Variants in FNIP1 observed in about 807,000 individuals in gnomAD.
FNIP1 encodes the protein folliculin-interacting protein 1.
FNIP1 carries 40 observed loss-of-function variants against 124.5 expected under a neutral mutation model. The ratio of observed to expected loss-of-function variants is 0.32; its 90% CI spans 0.25 to 0.42. FNIP1 has a LOEUF of 0.42. FNIP1 is among the 10% of genes least tolerant of loss of function. FNIP1 has a pLI of 1.00. For synonymous variants in FNIP1, 472 were observed against 470.6 expected (o/e 1.00, Z -0.04); for missense variants, 1,176 against 1,403.7 (o/e 0.84, Z 2.59).
At position 131,785,029 on chromosome 5, in the gene FNIP1, CATATATAT is replaced by C. The variant is rs1317739455; in HGVS notation, c.92+11793_92+11800del. Among the ~76,000 whole-genome samples the C allele has an allele frequency of 5.4e-3, 72 of 13,238 alleles. 2 individuals carry two copies. Among genetic ancestry groups the C allele is most frequent in the African/African-American group, 0.01 (64 of 6,218 alleles). The allele number at this position is 13,238 out of a possible 152,430, so 8.7% of individuals were successfully genotyped here. ...ATGACTATATATATGATATATATGA[CATATATAT>C]GATATATATGACTATATATATCATA... On this transcript the variant is annotated intron_variant, in intron 1 of 17. Coordinates refer to ENST00000510461, the MANE Select transcript of FNIP1 (RefSeq NM_133372.3).
intron 11 of FNIP1, among the ~76,000 whole-genome samples, chr5:131,693,770 A>G (rs251014): frequency 0.78 from 119,095 of 151,886 alleles, 46,927 homozygotes; most frequent in African/African-American, 0.83. Context: ...GAAAGACACT[A>G]TTATAAGAAG....
At chr5:131,660,275 G>A (rs926188344) in intron 15 of FNIP1, among the ~76,000 whole-genome samples, 1 of 152,164 alleles carries the variant, frequency 6.6e-6, no homozygotes, top group Admixed American at 6.5e-5. Context: ...GAAGCCATCA[G>A]GCTGAAAGTA....
chr5:131,779,617 G>T, intron 1 of FNIP1, among the ~76,000 whole-genome samples: 1 of 151,440 alleles, frequency 6.6e-6, no homozygotes, highest in Non-Finnish European at 1.5e-5. Context: ...GAACCTGGGA[G>T]GCAGAGCTTG....
rs115012479 is a variant in FNIP1 at position 131,656,440 on chromosome 5, G to A, written c.3109-4441C>T. ...CAGAATACCTTTTAAATCTCATAATGAAAATGCAGCTCTTATGTGGGTACA... is the reference window on the plus strand; with the variant it reads ...CAGAATACCTTTTAAATCTCATAATAAAAATGCAGCTCTTATGTGGGTACA... On this transcript the variant is annotated intron_variant, in intron 15 of 17. Transcript: ENST00000510461. Among the ~76,000 whole-genome samples the A allele has an allele frequency of 7.2e-3, 1,093 of 152,288 alleles. 7 individuals carry two copies. The highest frequency in any genetic ancestry group is 0.024 in the African/African-American group (1,012 of 41,564).
intron 2 of FNIP1, among the ~76,000 whole-genome samples, chr5:131,732,136 T>C (rs1300821726): frequency 1.3e-5 from 2 of 152,222 alleles, no homozygotes; most frequent in Non-Finnish European, 2.9e-5. Flanking sequence ...CACCAACATC[T>C]GTGATATTCC....
Position 131,702,222 on chromosome 5 carries a change from G to GCA in FNIP1, c.1116+1842_1116+1843insTG, listed in dbSNP as rs1459357626. ...ATTTGAGATAGGGACTCACTCTGTT[G>GCA]CTACAGTGCAGAGGCACAATCACAA... On this transcript the variant is annotated intron_variant, in intron 10 of 17. Coordinates refer to ENST00000510461, the MANE Select transcript of FNIP1 (RefSeq NM_133372.3). Among the ~76,000 whole-genome samples, 33 of 152,264 alleles carry GCA rather than the reference G, an allele frequency of 2.2e-4. No homozygotes were observed. The South Asian group carries it at 4.6e-3, about 21-fold the overall frequency.
chr5:131,726,641 G>T (rs1466204800), intron 3 of FNIP1, among the ~76,000 whole-genome samples: 1 of 152,042 alleles, frequency 6.6e-6, no homozygotes, highest in Non-Finnish European at 1.5e-5. Context: ...TTTTTGAAGG[G>T]TTTTTTGTGT....
chr5:131,777,615 CA>C (rs991235875), intron 1 of FNIP1, among the ~76,000 whole-genome samples: 2 of 152,158 alleles, frequency 1.3e-5, no homozygotes, highest in Non-Finnish European at 2.9e-5. Context: ...GTTCACTGGT[CA>C]CCTTTGAAAG....
intron 12 of FNIP1, 25 bp downstream of exon 12, chr5:131,679,004 C>A (rs1580748451): frequency 2.0e-6 from 3 of 1,505,036 alleles, no homozygotes; most frequent in East Asian, 4.6e-5. Flanking sequence ...ATCTAGATAT[C>A]TAGTTATAAT....
chr5:131,751,237 G>A (rs1257865474), intron 1 of FNIP1, among the ~76,000 whole-genome samples: 2 of 151,952 alleles, frequency 1.3e-5, no homozygotes, highest in Admixed American at 6.6e-5. Flanking sequence ...CACTCTCCTG[G>A]CAAACTCTTA....
At chr5:131,787,009 A>C (rs1772239501) in intron 1 of FNIP1, among the ~76,000 whole-genome samples, 1 of 152,114 alleles carries the variant, frequency 6.6e-6, no homozygotes, top group Non-Finnish European at 1.5e-5. Flanking sequence ...GGTATAATAA[A>C]TACTGGGACT....
chr5:131,661,216 T>TG (rs1491068319), intron 15 of FNIP1, among the ~76,000 whole-genome samples: 4 of 53,954 alleles, frequency 7.4e-5, no homozygotes, highest in African/African-American at 1.5e-4. Context: ...GTCTTGTCTT[T>TG]GTTTTGTGTG....
At chr5:131,741,602 C>T (rs1028072363) in intron 2 of FNIP1, among the ~76,000 whole-genome samples, 11 of 152,186 alleles carry the variant, frequency 7.2e-5, no homozygotes, top group African/African-American at 1.7e-4. Context: ...TTCAACCAAA[C>T]GCAGAAATGG....
intron 11 of FNIP1, among the ~76,000 whole-genome samples, chr5:131,697,737 G>A (rs939818328): frequency 1.3e-5 from 2 of 151,906 alleles, no homozygotes; most frequent in Admixed American, 6.5e-5. Context: ...AGGCCAAGGT[G>A]GGCGGATCAT....
chr5:131,795,392 A>C (rs1210128144), intron 1 of FNIP1, among the ~76,000 whole-genome samples: 1 of 152,200 alleles, frequency 6.6e-6, no homozygotes, highest in African/African-American at 2.4e-5. Flanking sequence ...TTTTCATATG[A>C]GTGACTTGAG....
chr5:131,758,996 G>C (rs1177705227), intron 1 of FNIP1, among the ~76,000 whole-genome samples: 1 of 151,792 alleles, frequency 6.6e-6, no homozygotes, highest in East Asian at 1.9e-4. Flanking sequence ...AGGGGGAATG[G>C]TGCTTAACAA....
chr5:131,677,887 C>T lies in FNIP1; in HGVS notation c.1350-15G>A. The T allele has an allele frequency of 6.2e-7, 1 of 1,609,522 alleles. No homozygotes were observed. The highest frequency in any genetic ancestry group is 8.5e-7 in the Non-Finnish European group (1 of 1,177,106). On this transcript the variant is annotated splice_polypyrimidine_tract_variant and intron_variant, in intron 12 of 17. Coordinates refer to ENST00000510461, the MANE Select transcript of FNIP1 (RefSeq NM_133372.3). The stretch of plus-strand genomic sequence containing the variant: ...CTGGCAAGAATCTGAAAACAAAATA[C>T]ATCTGATCAGATTCCAATCAGTCTT...
At chr5:131,701,869 A>G (rs1450146889) in intron 10 of FNIP1, among the ~76,000 whole-genome samples, 1 of 152,204 alleles carries the variant, frequency 6.6e-6, no homozygotes, top group Non-Finnish European at 1.5e-5. Flanking sequence ...CAAGCACGCT[A>G]CATTTTTTGT....
At chr5:131,692,131 T>C (rs899155693) in intron 11 of FNIP1, among the ~76,000 whole-genome samples, 4 of 152,262 alleles carry the variant, frequency 2.6e-5, no homozygotes, top group Admixed American at 2.0e-4. Flanking sequence ...CGATTTTCTA[T>C]ATAAAAAGTT....
Sources: allele counts gnomAD v4.1 joint callset (sites outside exome capture counted in the v4.1 genomes callset), GRCh38; gene constraint gnomAD v4.1.1; transcripts MANE v1.5; gene names NCBI Gene and HGNC (gene_info 2026-07-23, HGNC 2026-07-21).